Variants in WNK3 observed in about 807,000 individuals in gnomAD.
WNK3 encodes WNK lysine deficient protein kinase 3.
Under a neutral mutation model 116.7 loss-of-function variants are expected in WNK3, and 18 were observed. That is an observed-to-expected ratio of 0.15 (90% CI 0.11 to 0.23). The LOEUF is 0.23. WNK3 is among the 10% of genes least tolerant of loss of function. WNK3 has a pLI of 1.00. For synonymous variants in WNK3, 404 were observed against 469.4 expected, an observed-to-expected ratio of 0.86 and a Z score of 1.80; for missense variants, 993 against 1,323.8, an observed-to-expected ratio of 0.75 and a Z score of 3.88.
At chrX:54,252,389 G>T (rs2068142558) in intron 13 of WNK3, among the ~76,000 whole-genome samples, 1 of 111,247 alleles carries the variant, frequency 9.0e-6, no homozygotes, top group South Asian at 3.8e-4. Flanking sequence ...AGAAAATAAA[G>T]AATAGCTCGG....
At chrX:54,293,264 C>A in exon 9 of WNK3, 1 of 1,208,213 alleles carries the variant, frequency 8.3e-7, no homozygotes. Flanking sequence ...ATAGGCTACA[C>A]TGGGCTGACT....
chrX:54,231,962 A>G (rs2067903328), intron 21 of WNK3, among the ~76,000 whole-genome samples: 1 of 110,534 alleles, frequency 9.0e-6, no homozygotes, highest in African/African-American at 3.3e-5. Context: ...AAGTCAAAGA[A>G]GTATATTTTA....
intron 1 of WNK3, among the ~76,000 whole-genome samples, chrX:54,338,486 C>T (rs1216757677): frequency 9.1e-6 from 1 of 109,301 alleles, no homozygotes; most frequent in Admixed American, 9.9e-5. Context: ...ACCGGGGAGG[C>T]TGAGGTGGGA....
chrX:54,309,416 G>T, intron 3 of WNK3, 101 bp from the exon 4 acceptor site: 2 of 588,740 alleles, frequency 3.4e-6, no homozygotes, highest in Non-Finnish European at 5.3e-6. Flanking sequence ...TATGCACTAT[G>T]ATTCCCATCA....
intron 10 of WNK3, among the ~76,000 whole-genome samples, chrX:54,265,473 C>T (rs1050845812): frequency 4.5e-5 from 5 of 110,320 alleles, no homozygotes; most frequent in African/African-American, 9.9e-5. Context: ...GGTGACAGAG[C>T]GAGACTCCGT....
chrX:54,204,375 C>T (rs151078383), intron 22 of WNK3, among the ~76,000 whole-genome samples: 1,243 of 111,480 alleles, frequency 0.011, 9 homozygotes, highest in Non-Finnish European at 0.016. Flanking sequence ...GCCTCAGCCT[C>T]CCAAAGTGCT....
In WNK3 at chrX:54,325,679, C is replaced by CAA. The variant is rs57064020; in HGVS notation, c.537+7456_537+7457dup. Among the ~76,000 whole-genome samples the CAA allele has an allele frequency of 2.4e-3, 27 of 11,289 alleles. 3 individuals are homozygous for CAA. Among genetic ancestry groups the CAA allele is most frequent in the Non-Finnish European group, 2.5e-3 (11 of 4,421 alleles). The allele number at this position is 11,289 out of a possible 115,157, so 9.8% of individuals were successfully genotyped here. On this transcript the variant is annotated intron_variant, in intron 2 of 23. Coordinates refer to ENST00000354646, the Ensembl canonical transcript of WNK3. ...GGGCAACAAGAGCGAAACTCCCTCT[C>CAA]AAAAAAAAAAAAAAAAAAAAAAAAA...
chrX:54,258,405 C>T (rs188561472), intron 11 of WNK3, among the ~76,000 whole-genome samples: 92 of 109,542 alleles, frequency 8.4e-4, no homozygotes, highest in African/African-American at 3.0e-3. Context: ...GCGATGTCAG[C>T]TCACTGCAAC....
At chrX:54,208,425 A>G (rs1254123126) in intron 22 of WNK3, among the ~76,000 whole-genome samples, 2 of 110,821 alleles carry the variant, frequency 1.8e-5, no homozygotes, top group Non-Finnish European at 3.8e-5. Flanking sequence ...CGCCCGGCCC[A>G]ATATATACCT....
chrX:54,236,927 A>G lies in WNK3; in HGVS notation c.4628+11T>C, dbSNP rs1183973883. 8.5e-7 allele frequency: 1 copy of G among 1,175,547 alleles called. No individual in the cohort carries two copies. The highest frequency in any genetic ancestry group is 3.0e-5 in the East Asian group (1 of 33,442). The stretch of plus-strand genomic sequence containing the variant: ...CAACCAGATTTGTGACAAAAGAGAA[A>G]CAGTCCTTACTTTTCTCGTAATCTT... On this transcript the variant is annotated intron_variant, in intron 20 of 23. Transcript: ENST00000354646.
chrX:54,202,615 C>T (rs782448115), intron 22 of WNK3, among the ~76,000 whole-genome samples: 73 of 108,206 alleles, frequency 6.7e-4, no homozygotes, highest in African/African-American at 2.3e-3. Flanking sequence ...AGCTTGAACC[C>T]GGGAGGCGGA....
intron 21 of WNK3, among the ~76,000 whole-genome samples, chrX:54,231,738 A>G (rs1603377622): frequency 1.8e-5 from 2 of 111,773 alleles, no homozygotes; most frequent in African/African-American, 6.5e-5. Context: ...CTCCTTTGCC[A>G]TATATCCTAC....
chrX:54,252,358 C>T (rs943879615), intron 13 of WNK3, among the ~76,000 whole-genome samples: 1 of 110,738 alleles, frequency 9.0e-6, no homozygotes, highest in Non-Finnish European at 1.9e-5. Flanking sequence ...AATCACAAAC[C>T]ACAAAATGAA....
In WNK3 at chrX:54,343,383, T is replaced by C. The variant is rs782543720; in HGVS notation, c.-119-9591A>G. Among the ~76,000 whole-genome samples the C allele has an allele frequency of 5.5e-5, 6 of 109,845 alleles. No individual in the cohort carries two copies. In the South Asian group the frequency reaches 2.4e-3, roughly 44 times the overall value. ...TTAGCCGAGCATGGTGGCAGGCGCCTGTAATCCCAACTACTCGGGAGGCTG... is the reference window on the plus strand; with the variant it reads ...TTAGCCGAGCATGGTGGCAGGCGCCCGTAATCCCAACTACTCGGGAGGCTG... On this transcript the variant is annotated intron_variant, in intron 1 of 23. Transcript: ENST00000354646.
At chrX:54,195,884 G>A (rs1476946394) in exon 24 of WNK3, 1 of 111,432 alleles carries the variant, frequency 9.0e-6, no homozygotes, top group African/African-American at 3.3e-5. Flanking sequence ...GTGGAATAGA[G>A]GTGGTGGCCA....
At chrX:54,225,683 C>T (rs1441791926) in intron 22 of WNK3, among the ~76,000 whole-genome samples, 1 of 107,183 alleles carries the variant, frequency 9.3e-6, no homozygotes, top group Non-Finnish European at 1.9e-5. Context: ...GAAAGACATA[C>T]CATGTTCACA....
intron 10 of WNK3, among the ~76,000 whole-genome samples, chrX:54,282,391 C>G (rs1360753925): frequency 9.0e-6 from 1 of 110,947 alleles, no homozygotes; most frequent in Non-Finnish European, 1.9e-5. Flanking sequence ...TTCCCATCAA[C>G]AGTGTACAAG....
At chrX:54,345,305 TG>T (rs1557177377) in intron 1 of WNK3, among the ~76,000 whole-genome samples, 1 of 109,693 alleles carries the variant, frequency 9.1e-6, no homozygotes, top group Admixed American at 1.0e-4. Context: ...TATGTATGTA[TG>T]TATGTATGTA....
At chrX:54,344,201 T>A (rs1472452985) in intron 1 of WNK3, among the ~76,000 whole-genome samples, 1 of 112,214 alleles carries the variant, frequency 8.9e-6, no homozygotes, top group Non-Finnish European at 1.9e-5. Flanking sequence ...TCCAGCACTT[T>A]GGGAGGCCGA....
Sources: allele counts gnomAD v4.1 joint callset (sites outside exome capture counted in the v4.1 genomes callset), GRCh38; gene constraint gnomAD v4.1.1; transcripts MANE v1.5; gene names NCBI Gene and HGNC (gene_info 2026-07-23, HGNC 2026-07-21).